The following RANBP2 variants were observed in gnomAD, a reference collection of about 807,000 sequenced individuals.
RANBP2 encodes the protein E3 SUMO-protein ligase RanBP2.
Under a neutral mutation model 303.6 loss-of-function variants are expected in RANBP2, and 57 were observed. That is an observed-to-expected ratio of 0.19 (90% CI 0.15 to 0.23). The LOEUF is 0.23. Among genes scored for constraint, RANBP2 ranks in the 10% least tolerant of loss-of-function variants. The probability of loss-of-function intolerance (pLI) is 1.00; values close to 1 mark genes in which losing one functional copy is unlikely to be tolerated. For missense variants in RANBP2, 3,138 were observed against 3,780.8 expected, an observed-to-expected ratio of 0.83 and a Z score of 4.46; for synonymous variants, 1,167 against 1,301.5, an observed-to-expected ratio of 0.90 and a Z score of 2.23.
At chr2:109,488,494 A>G in the RANBP2 span, among the ~76,000 whole-genome samples, 1 of 152,242 alleles carries the variant, frequency 6.6e-6, no homozygotes, top group East Asian at 1.9e-4. Flanking sequence ...AGGGTCTCCC[A>G]TCCCCAGGCC....
At chr2:108,779,362 G>A (rs1260664135) in intron 25 of RANBP2, among the ~76,000 whole-genome samples, 2 of 151,648 alleles carry the variant, frequency 1.3e-5, no homozygotes, top group Admixed American at 6.6e-5. Context: ...ATGGGGTTTC[G>A]CCATGTTGGC....
At chr2:109,456,890 C>T in the RANBP2 span, among the ~76,000 whole-genome samples, 1 of 152,184 alleles carries the variant, frequency 6.6e-6, no homozygotes, top group South Asian at 2.1e-4. Flanking sequence ...AGGGCTCATG[C>T]CGCTGAGCCT....
the RANBP2 span, among the ~76,000 whole-genome samples, chr2:109,427,921 G>A: frequency 2.0e-5 from 3 of 152,220 alleles, no homozygotes; most frequent in Non-Finnish European, 2.9e-5. Context: ...AGGTGCTCGC[G>A]CACGCTCCTC....
chr2:109,686,416 G>A, the RANBP2 span, among the ~76,000 whole-genome samples: 1 of 152,226 alleles, frequency 6.6e-6, no homozygotes, highest in South Asian at 2.1e-4. Flanking sequence ...CCGGGTTCAC[G>A]CCATTCTCCT....
At chr2:108,833,500 A>G in the RANBP2 span, among the ~76,000 whole-genome samples, 8 of 152,218 alleles carry the variant, frequency 5.3e-5, no homozygotes, top group Admixed American at 2.0e-4. Flanking sequence ...AAAGAAGACA[A>G]TGCCAGATGA....
At chr2:109,255,156 G>T in the RANBP2 span, among the ~76,000 whole-genome samples, 1 of 152,130 alleles carries the variant, frequency 6.6e-6, no homozygotes, top group Non-Finnish European at 1.5e-5. Flanking sequence ...ACATGTGCAC[G>T]TGTGCAACTC....
the RANBP2 span, among the ~76,000 whole-genome samples, chr2:108,911,571 C>G: frequency 6.6e-6 from 1 of 152,212 alleles, no homozygotes. Flanking sequence ...GGTGCCTCGG[C>G]TGGGCCACCT....
At chr2:109,054,168 G>T in the RANBP2 span, among the ~76,000 whole-genome samples, 10 of 152,310 alleles carry the variant, frequency 6.6e-5, 1 homozygote, top group South Asian at 1.9e-3. Flanking sequence ...GCAAGAGGCA[G>T]GGTTGCCAGG....
the RANBP2 span, among the ~76,000 whole-genome samples, chr2:109,409,682 G>A: frequency 3.9e-5 from 6 of 152,002 alleles, no homozygotes; most frequent in African/African-American, 1.2e-4. Context: ...GGGGCTCCCC[G>A]GCCACTGCCC....
At chr2:109,289,817 C>G in the RANBP2 span, among the ~76,000 whole-genome samples, 1 of 152,144 alleles carries the variant, frequency 6.6e-6, no homozygotes, top group African/African-American at 2.4e-5. Context: ...CTGGGGAAAT[C>G]GGGAAATCAA....
the RANBP2 span, chr2:109,544,420 C>A: frequency 2.8e-6 from 4 of 1,442,326 alleles, no homozygotes; most frequent in Non-Finnish European, 2.7e-6. Flanking sequence ...GATATCTGGC[C>A]ATGGGACTTT....
the RANBP2 span, among the ~76,000 whole-genome samples, chr2:108,825,899 C>T: frequency 6.6e-5 from 10 of 152,124 alleles, no homozygotes; most frequent in Admixed American, 6.5e-4. Context: ...GCAGAAGTTT[C>T]GATTTCTTTA....
the RANBP2 span, among the ~76,000 whole-genome samples, chr2:109,412,790 G>T: frequency 6.6e-6 from 1 of 152,156 alleles, no homozygotes; most frequent in Admixed American, 6.5e-5. Context: ...ATCCCAAAAG[G>T]CAACTCCCCA....
At chr2:109,122,376 C>G in the RANBP2 span, among the ~76,000 whole-genome samples, 2 of 152,206 alleles carry the variant, frequency 1.3e-5, no homozygotes, top group Admixed American at 1.3e-4. Flanking sequence ...AAGCTTAACC[C>G]TGCTGGGGGA....
rs1349737546 is a variant in RANBP2, at chr2:108,731,126, A to G, written c.253-196A>G. On this transcript the variant is annotated intron_variant, in intron 3 of 28. Transcript: ENST00000283195. ...TTTGTATTCAAATGACACAAATATA[A>G]TTTTTATTTGATTCATTTCCAGAGA... 2.0e-5 allele frequency among the ~76,000 whole-genome samples: 3 copies of G among 152,286 alleles called. No individual in the cohort carries two copies. In the East Asian group the frequency reaches 5.8e-4, roughly 29 times the overall value.
rs536952814 is a variant in RANBP2, at chr2:108,780,530, C to G, written c.8600-739C>G. Among the ~76,000 whole-genome samples, 9 of 120,610 alleles carry G rather than the reference C, an allele frequency of 7.5e-5. No individual in the cohort carries two copies. The East Asian group carries it at 2.0e-3, about 27-fold the overall frequency. The allele number at this position is 120,610 out of a possible 152,430, so 79.1% of individuals were successfully genotyped here. A position where few individuals can be genotyped will look rare whatever the true frequency, so the allele number is the denominator to read the frequency against. On this transcript the variant is annotated intron_variant, in intron 25 of 28. Coordinates refer to ENST00000283195, the MANE Select transcript of RANBP2 (RefSeq NM_006267.5). ...GTCACCCATGACCACACACTGCTAA[C>G]TTTTTTTTTTTTTTTTAAAGACAGA...
At chr2:109,047,806 C>T in the RANBP2 span, among the ~76,000 whole-genome samples, 3 of 152,196 alleles carry the variant, frequency 2.0e-5, no homozygotes, top group Admixed American at 6.5e-5. Flanking sequence ...GAGACTCCAT[C>T]TCAAAAACAA....
chr2:109,760,253 CA>C, the RANBP2 span: 1 of 148,700 alleles, frequency 6.7e-6, no homozygotes, highest in Non-Finnish European at 1.5e-5. Context: ...CACTCATTCC[CA>C]GGGGGTAGAA....
the RANBP2 span, among the ~76,000 whole-genome samples, chr2:108,849,787 A>G: frequency 6.6e-6 from 1 of 152,220 alleles, no homozygotes; most frequent in Admixed American, 6.5e-5. Context: ...TATGAGCCCA[A>G]ACCTGTGGGG....
Sources: allele counts gnomAD v4.1 joint callset (sites outside exome capture counted in the v4.1 genomes callset), GRCh38; gene constraint gnomAD v4.1.1; transcripts MANE v1.5; gene names NCBI Gene and HGNC (gene_info 2026-07-23, HGNC 2026-07-21).